Variants in CDH20 observed in about 807,000 individuals in gnomAD.
CDH20 encodes cadherin-20.
A neutral mutation model predicts 74.2 loss-of-function variants in CDH20; 29 were observed. That is an observed-to-expected ratio of 0.39 (90% CI 0.29 to 0.53). The LOEUF is 0.53. Ranked by LOEUF, CDH20 falls within the 20% of genes least tolerant of loss-of-function variation. CDH20 has a pLI of 0.69. For synonymous variants in CDH20, 469 were observed against 405.4 expected, an observed-to-expected ratio of 1.16 and a Z score of -1.88; for missense variants, 988 against 1,048.3, an observed-to-expected ratio of 0.94 and a Z score of 0.79.
chr18:61,498,163 G>A (rs1911237101), intron 2 of CDH20, among the ~76,000 whole-genome samples: 1 of 152,104 alleles, frequency 6.6e-6, no homozygotes, highest in African/African-American at 2.4e-5. Context: ...ACTTTGGGAG[G>A]CCGAGGCAGG....
At chr18:61,476,529 G>C (rs931706369) in intron 1 of CDH20, among the ~76,000 whole-genome samples, 2 of 152,128 alleles carry the variant, frequency 1.3e-5, no homozygotes, top group Non-Finnish European at 2.9e-5. Context: ...TTTATAACAA[G>C]AGCTAGCTAG....
At chr18:61,536,171 A>G (rs1004170844) in intron 7 of CDH20, among the ~76,000 whole-genome samples, 3 of 152,240 alleles carry the variant, frequency 2.0e-5, no homozygotes, top group African/African-American at 7.2e-5. Context: ...GATACTCAGG[A>G]TGTCCCAAAA....
intron 1 of CDH20, among the ~76,000 whole-genome samples, chr18:61,425,558 C>A (rs1324154173): frequency 6.6e-6 from 1 of 152,150 alleles, no homozygotes; most frequent in Non-Finnish European, 1.5e-5. Context: ...TTTTCAGCAA[C>A]TTGGATGGAG....
chr18:61,531,896 T>G (rs778610877), intron 7 of CDH20, among the ~76,000 whole-genome samples: 12 of 152,234 alleles, frequency 7.9e-5, no homozygotes, highest in Non-Finnish European at 1.8e-4. Context: ...GTAAGTGTGC[T>G]GAGGCCTTCC....
At chr18:61,535,867 C>T (rs767227875) in intron 7 of CDH20, among the ~76,000 whole-genome samples, 8 of 152,178 alleles carry the variant, frequency 5.3e-5, no homozygotes, top group Non-Finnish European at 1.2e-4. Context: ...AATTTATAAA[C>T]TCTAGGTTTA....
intron 1 of CDH20, chr18:61,405,252 A>G (rs894237050): frequency 8.0e-6 from 3 of 374,138 alleles, no homozygotes; most frequent in Non-Finnish European, 1.5e-5. Context: ...AGCTGCTGCT[A>G]AGATGGCCCG....
At chr18:61,530,537 T>TA (rs1335587538) in intron 7 of CDH20, among the ~76,000 whole-genome samples, 5 of 152,172 alleles carry the variant, frequency 3.3e-5, no homozygotes, top group African/African-American at 9.6e-5. Context: ...CACCGGAAGT[T>TA]AAAATGTTAC....
intron 1 of CDH20, among the ~76,000 whole-genome samples, chr18:61,381,055 C>G (rs1299539974): frequency 6.6e-6 from 1 of 152,062 alleles, no homozygotes. Flanking sequence ...ATCTGCCAGC[C>G]CCTAAGGACA....
intron 1 of CDH20, among the ~76,000 whole-genome samples, chr18:61,459,431 G>T (rs536017453): frequency 6.6e-6 from 1 of 152,248 alleles, no homozygotes; most frequent in Admixed American, 6.5e-5. Flanking sequence ...AAGAGGAAGT[G>T]GTGGAATGAC....
chr18:61,398,089 T>A (rs1278804816), intron 1 of CDH20, among the ~76,000 whole-genome samples: 1 of 152,196 alleles, frequency 6.6e-6, no homozygotes, highest in Non-Finnish European at 1.5e-5. Context: ...GCAGCATAAC[T>A]TATGGCTTTG....
chr18:61,415,842 T>TA (rs959218794), intron 1 of CDH20, among the ~76,000 whole-genome samples: 6 of 151,858 alleles, frequency 4.0e-5, no homozygotes, highest in South Asian at 2.1e-4. Context: ...ATACTATTCT[T>TA]AAAAAAAATG....
At chr18:61,347,563 C>A (rs910430770) in intron 1 of CDH20, among the ~76,000 whole-genome samples, 4 of 147,762 alleles carry the variant, frequency 2.7e-5, no homozygotes, top group Non-Finnish European at 5.9e-5. Context: ...CACACACACA[C>A]AAAAACACAA....
chr18:61,386,087 G>T (rs1050003911), intron 1 of CDH20, among the ~76,000 whole-genome samples: 1 of 152,074 alleles, frequency 6.6e-6, no homozygotes, highest in African/African-American at 2.4e-5. Flanking sequence ...ATTTTTTGAG[G>T]ATATACTGCA....
Position 61,554,595 on chromosome 18 carries a change from A to T in CDH20, c.2306A>T (p.Asp769Val). The change falls in exon 12 of 12, where the codon GAC (aspartate) becomes GTC (valine). Residue 769 changes from aspartate (D) to valine (V), a missense_variant. Around this residue, in one of 2 missense-constraint regions of CDH20, gnomAD observed 375 missense variants for 293.1 expected, o/e 1.28. Coordinates refer to ENST00000262717, the MANE Select transcript of CDH20 (RefSeq NM_031891.4). ...AGCTCCCTGCAGTCGGCCACGTCGGACTCGGAACAGAGCTTCGACTTCCTG... is the reference window on the plus strand; with the variant it reads ...AGCTCCCTGCAGTCGGCCACGTCGGTCTCGGAACAGAGCTTCGACTTCCTG... Reference protein sequence around the residue: ...SLSSLQSATSDSEQSFDFLTD... With the variant: ...SLSSLQSATSVSEQSFDFLTD... 6.2e-7 allele frequency: 1 copy of T among 1,608,950 alleles called. No individual in the cohort carries two copies. The highest frequency in any genetic ancestry group is 8.5e-7 in the Non-Finnish European group (1 of 1,178,386).
chr18:61,400,712 C>G (rs1300303977), intron 1 of CDH20, among the ~76,000 whole-genome samples: 1 of 152,158 alleles, frequency 6.6e-6, no homozygotes, highest in South Asian at 2.1e-4. Context: ...GGATTCAATT[C>G]ACAGGAGGCA....
chr18:61,532,776 G>A (rs935512170), intron 7 of CDH20, among the ~76,000 whole-genome samples: 1 of 152,000 alleles, frequency 6.6e-6, no homozygotes, highest in Non-Finnish European at 1.5e-5. Flanking sequence ...CTGCTTCTCC[G>A]TCTCTACAAC....
chr18:61,544,900 C>T (rs1913180329), intron 9 of CDH20, 127 bp from the exon 10 acceptor site: 1 of 685,338 alleles, frequency 1.5e-6, no homozygotes, highest in African/African-American at 1.7e-5. Flanking sequence ...GCCCCTCTCC[C>T]ATACCAATGA....
At chr18:61,431,312 A>G (rs150870129) in intron 1 of CDH20, among the ~76,000 whole-genome samples, 2,069 of 152,308 alleles carry the variant, frequency 0.014, 24 homozygotes, top group Middle Eastern at 0.024. Context: ...AACGAAAGAA[A>G]TATCATGACT....
intron 10 of CDH20, among the ~76,000 whole-genome samples, chr18:61,545,576 C>T (rs1913219785): frequency 1.3e-5 from 2 of 152,014 alleles, no homozygotes; most frequent in Admixed American, 1.3e-4. Flanking sequence ...CTGGTAGCAG[C>T]CCTGTTCATA....
Sources: allele counts gnomAD v4.1 joint callset (sites outside exome capture counted in the v4.1 genomes callset), GRCh38; gene constraint gnomAD v4.1.1; regional missense constraint gnomAD v4.1.1; transcripts MANE v1.5; gene names NCBI Gene and HGNC (gene_info 2026-07-23, HGNC 2026-07-21).